Variants in MEIS1 observed in about 807,000 individuals in gnomAD.
The protein encoded by MEIS1 is Meis homeobox 1, also known as homeobox protein Meis1.
MEIS1 carries 5 observed loss-of-function variants against 50.8 expected under a neutral mutation model. The observed-to-expected ratio is 0.10, with a 90% CI of 0.05 to 0.21. The LOEUF (loss-of-function observed/expected upper bound fraction) is 0.21. Among genes scored for constraint, MEIS1 ranks in the 10% least tolerant of loss-of-function variants. The pLI, the probability that MEIS1 is intolerant of heterozygous loss-of-function variation, is 1.00. For synonymous variants in MEIS1, 176 were observed against 179.3 expected (o/e 0.98, Z 0.15); for missense variants, 318 against 517.3 (o/e 0.61, Z 3.74).
At chr2:66,469,361 A>G (rs1161485792) in intron 7 of MEIS1, among the ~76,000 whole-genome samples, 1 of 152,062 alleles carries the variant, frequency 6.6e-6, no homozygotes, top group Non-Finnish European at 1.5e-5. Context: ...GCAGAAGGCA[A>G]TTCCATTTAT....
intron 8 of MEIS1, among the ~76,000 whole-genome samples, chr2:66,521,786 C>T (rs1039637427): frequency 2.0e-5 from 3 of 152,146 alleles, no homozygotes; most frequent in African/African-American, 7.2e-5. Context: ...TCTCCCTGTG[C>T]GTATAATGCT....
At chr2:66,494,381 G>T (rs972222066) in intron 7 of MEIS1, among the ~76,000 whole-genome samples, 1 of 152,100 alleles carries the variant, frequency 6.6e-6, no homozygotes, top group African/African-American at 2.4e-5. Flanking sequence ...TAAAGGCAAA[G>T]GTATTTTTCT....
chr2:66,486,337 C>A (rs1039902389), intron 7 of MEIS1, among the ~76,000 whole-genome samples: 1 of 152,184 alleles, frequency 6.6e-6, no homozygotes, highest in African/African-American at 2.4e-5. Context: ...TTTCCCAACA[C>A]CATTTATTAA....
intron 6 of MEIS1, among the ~76,000 whole-genome samples, chr2:66,463,101 A>G (rs543175161): frequency 6.6e-6 from 1 of 152,048 alleles, no homozygotes; most frequent in African/African-American, 2.4e-5. Context: ...TGATTTCGCT[A>G]GGCATACTTA....
chr2:66,463,916 C>G (rs1443571636), intron 6 of MEIS1, among the ~76,000 whole-genome samples, 193 bp from the exon 7 acceptor site: 1 of 152,148 alleles, frequency 6.6e-6, no homozygotes, highest in Non-Finnish European at 1.5e-5. Context: ...ATTATTTTAG[C>G]TTGGAAGCAG....
intron 7 of MEIS1, among the ~76,000 whole-genome samples, chr2:66,473,397 A>AAAAAAAAAAAAAATATAT: frequency 3.7e-5 from 4 of 107,594 alleles, no homozygotes; most frequent in Non-Finnish European, 6.6e-5. Flanking sequence ...AAAAAAAAAA[A>AAAAAAAAAAAAAATATAT]ATATATATAT....
At chr2:66,471,559 CT>C (rs1672761277) in intron 7 of MEIS1, among the ~76,000 whole-genome samples, 1 of 152,200 alleles carries the variant, frequency 6.6e-6, no homozygotes, top group Non-Finnish European at 1.5e-5. Flanking sequence ...TACACCAATT[CT>C]TTTATTTTCC....
intron 6 of MEIS1, among the ~76,000 whole-genome samples, chr2:66,448,457 T>C (rs1439976253): frequency 1.3e-5 from 2 of 152,174 alleles, no homozygotes; most frequent in Non-Finnish European, 2.9e-5. Context: ...AGGCCTACTG[T>C]CCTAAAACTA....
chr2:66,536,831 T>C (rs1430771725), intron 8 of MEIS1, among the ~76,000 whole-genome samples: 2 of 152,218 alleles, frequency 1.3e-5, no homozygotes. Flanking sequence ...ATGGAACTTT[T>C]AGCAAGCACA....
intron 7 of MEIS1, among the ~76,000 whole-genome samples, chr2:66,499,171 G>A (rs6731326): frequency 9.4e-4 from 143 of 152,266 alleles, no homozygotes; most frequent in African/African-American, 2.6e-3. Flanking sequence ...TTTCAGAAAC[G>A]ATTGGATTTT....
At chr2:66,527,082 AT>A (rs1674270515) in intron 8 of MEIS1, among the ~76,000 whole-genome samples, 1 of 152,222 alleles carries the variant, frequency 6.6e-6, no homozygotes, top group African/African-American at 2.4e-5. Flanking sequence ...CCAAATATAC[AT>A]GCATGAAATA....
chr2:66,547,663 C>T (rs1284336362), intron 8 of MEIS1, among the ~76,000 whole-genome samples: 2 of 152,078 alleles, frequency 1.3e-5, no homozygotes, highest in Non-Finnish European at 2.9e-5. Context: ...CAGTGAAGAT[C>T]ATACTAAACT....
chr2:66,440,844 T>A, intron 4 of MEIS1: 1 of 564,460 alleles, frequency 1.8e-6, no homozygotes, highest in East Asian at 2.9e-5. Context: ...CGAGCTTTTG[T>A]TTTTTATGAC....
chr2:66,513,786 A>C (rs1323466986), intron 8 of MEIS1, among the ~76,000 whole-genome samples: 1 of 152,156 alleles, frequency 6.6e-6, no homozygotes, highest in African/African-American at 2.4e-5. Context: ...TTCAGGCACC[A>C]CTACTTATCT....
intron 7 of MEIS1, among the ~76,000 whole-genome samples, chr2:66,503,597 TAGAAAC>T (rs1311136860): frequency 6.6e-6 from 1 of 152,198 alleles, no homozygotes; most frequent in African/African-American, 2.4e-5. Flanking sequence ...GAAGGCTTGA[TAGAAAC>T]AGAAACTGCT....
rs529640315 is a variant in MEIS1 at position 66,478,520 on chromosome 2, C to G, written c.742+14300C>G. ...GCATGGAGCCATGTGCTGCCCAGAT[C>G]CAAATGCATAACTCCTGTTGATATC... On this transcript the variant is annotated intron_variant, in intron 7 of 12. Transcript: ENST00000272369. Among the ~76,000 whole-genome samples, 3 of 152,288 alleles carry G rather than the reference C, an allele frequency of 2.0e-5. No homozygotes were observed. The South Asian group carries it at 6.2e-4, about 32-fold the overall frequency.
intron 6 of MEIS1, among the ~76,000 whole-genome samples, chr2:66,446,101 C>T (rs1168710150): frequency 6.6e-6 from 1 of 151,964 alleles, no homozygotes; most frequent in Non-Finnish European, 1.5e-5. Flanking sequence ...GTCCCGGCTG[C>T]GACCCCGGAG....
chr2:66,436,954 T>C, intron 1 of MEIS1: 2 of 983,880 alleles, frequency 2.0e-6, no homozygotes, highest in Non-Finnish European at 2.4e-6. Context: ...GTGAGTAACA[T>C]TTGCCTCCTT....
chr2:66,478,505 A>G (rs567292744), intron 7 of MEIS1, among the ~76,000 whole-genome samples: 1 of 152,362 alleles, frequency 6.6e-6, no homozygotes, highest in East Asian at 1.9e-4. Context: ...GCATGGAGCC[A>G]TGTGCTGCCC....
Sources: allele counts gnomAD v4.1 joint callset (sites outside exome capture counted in the v4.1 genomes callset), GRCh38; gene constraint gnomAD v4.1.1; transcripts MANE v1.5; gene names NCBI Gene and HGNC (gene_info 2026-07-23, HGNC 2026-07-21).